Variants in MYH7B observed in about 807,000 individuals in gnomAD.
The protein encoded by MYH7B is myosin-7B.
In MYH7B, 205 loss-of-function variants were observed where a neutral mutation model predicts 234.5. The observed-to-expected ratio is 0.87, with a 90% confidence interval of 0.78 to 0.98. MYH7B has a LOEUF of 0.98. MYH7B is among the 50% of genes least tolerant of loss of function. The pLI is 0.00. For synonymous variants in MYH7B, 1,193 were observed against 1,105.0 expected (o/e 1.08, Z -1.58); for missense variants, 2,652 against 2,633.4 (o/e 1.01, Z -0.15).
At chr20:34,981,051 T>G in exon 9 of MYH7B, 1 of 1,613,988 alleles carries the variant, frequency 6.2e-7, no homozygotes, top group Non-Finnish European at 8.5e-7. Flanking sequence ...AACCAGTCCA[T>G]GCTGATCACG....
Position 34,988,251 on chromosome 20 carries a change from CTCA to C in MYH7B, c.1579_1581del (p.Ile527del), listed in dbSNP as rs771119776. On this transcript the variant is annotated inframe_deletion, in exon 19 of 45. Coordinates refer to ENST00000262873, the Ensembl canonical transcript of MYH7B. ...CCTTGACCTGCAGCCTTGCATCGAC[CTCA>C]TCGAGAAGGTGGGTGCCGCGGCAAG... 152 of 1,612,534 alleles carry C rather than the reference CTCA, an allele frequency of 9.4e-5. No homozygotes were observed. The highest frequency in any genetic ancestry group is 1.2e-4 in the Non-Finnish European group (141 of 1,178,952).
chr20:34,983,288 CTTTTCTTTTCTTTT>C (rs1159975419), intron 10 of MYH7B, among the ~76,000 whole-genome samples: 2 of 64,098 alleles, frequency 3.1e-5, no homozygotes, highest in Admixed American at 1.9e-4. Context: ...TCTTTCTTTT[CTTTTCTTTTCTTTT>C]TTTTTTTTTT....
In MYH7B at chr20:34,979,654, C is replaced by CTGGTAGGTGCTGA; in HGVS notation, c.199-2_209dup. ...TCCCCCGGCCCCTGACACGATCTCC[C>CTGGTAGGTGCTGA]TGGTAGGTGCTGATGGTGCGTGAAG... On this transcript the variant is annotated splice_region_variant and splice_polypyrimidine_tract_variant and intron_variant, in intron 6 of 44. Coordinates refer to ENST00000262873, the Ensembl canonical transcript of MYH7B. The CTGGTAGGTGCTGA allele has an allele frequency of 1.2e-6, 2 of 1,614,132 alleles. No homozygotes were observed. Among genetic ancestry groups the CTGGTAGGTGCTGA allele is most frequent in the Non-Finnish European group, 1.7e-6 (2 of 1,180,022 alleles).
rs57589264 is a variant in MYH7B at position 34,983,298 on chromosome 20, CTTTTTTT to C, written c.624+756_624+762del. ...TTTTTTCTTTCTTTTCTTTTCTTTT[CTTTTTTT>C]TTTTTTTTTTTTGCCTTTTCCTTTT... On this transcript the variant is annotated intron_variant, in intron 10 of 44. Transcript: ENST00000262873. Among the ~76,000 whole-genome samples, 37 of 71,650 alleles carry C rather than the reference CTTTTTTT, an allele frequency of 5.2e-4. 1 individual carries two copies. In the South Asian group the frequency reaches 5.7e-3, roughly 11 times the overall value. The allele number at this position is 71,650 out of a possible 152,430, so 47.0% of individuals were successfully genotyped here.
intron 27 of MYH7B, 74 bp from the exon 28 acceptor site, chr20:34,995,262 G>T (rs1254341737): frequency 4.7e-6 from 7 of 1,494,238 alleles, no homozygotes; most frequent in Admixed American, 1.8e-5. Context: ...TTCCTCTCCA[G>T]GGCCTGGCCT....
At chr20:34,972,322 T>C (rs1285149936) in intron 2 of MYH7B, among the ~76,000 whole-genome samples, 1 of 152,008 alleles carries the variant, frequency 6.6e-6, no homozygotes, top group South Asian at 2.1e-4. Context: ...TCATGGCTAT[T>C]GTATTTGCTG....
At chr20:34,991,118 A>T in exon 24 of MYH7B, 1 of 1,604,196 alleles carries the variant, frequency 6.2e-7, no homozygotes, top group Non-Finnish European at 8.5e-7. Context: ...GACTTCCGGC[A>T]GCGGTGGGTG....
At chr20:34,973,622 C>A (rs1037478195) in intron 2 of MYH7B, among the ~76,000 whole-genome samples, 2 of 152,238 alleles carry the variant, frequency 1.3e-5, no homozygotes, top group Non-Finnish European at 2.9e-5. Context: ...TCTCCCGCTG[C>A]TGATGGGCTG....
chr20:34,980,873 T>G, intron 8 of MYH7B, 139 bp downstream of exon 8: 1 of 1,483,752 alleles, frequency 6.7e-7, no homozygotes. Context: ...GTTCTGTCCC[T>G]CCGCATGGGA....
rs529070557 is a variant in MYH7B, at chr20:34,990,643, A to G, written c.1978-95A>G. ...GAAAGAGCAAAAGTGCAGGGCACTT[A>G]GGGCCCTGCTCCCGTCTCGGTCCTG... On this transcript the variant is annotated intron_variant, in intron 22 of 44. Coordinates refer to ENST00000262873, the Ensembl canonical transcript of MYH7B. 53 of 1,133,852 alleles carry G rather than the reference A, an allele frequency of 4.7e-5. No homozygotes were observed. The East Asian group carries it at 1.2e-3, about 25-fold the overall frequency. 70.2% of individuals were successfully genotyped at this position (1,133,852 alleles called of 1,614,324 possible).
intron 8 of MYH7B, 28 bp downstream of exon 8, chr20:34,980,762 C>T: frequency 6.2e-7 from 1 of 1,605,066 alleles, no homozygotes; most frequent in Non-Finnish European, 8.5e-7. Flanking sequence ...TCCTCCCCAA[C>T]CGCAGACCCC....
At chr20:34,980,926 C>A in intron 8 of MYH7B, 107 bp from the exon 9 acceptor site, 2 of 1,544,986 alleles carry the variant, frequency 1.3e-6, no homozygotes, top group Admixed American at 3.4e-5. Context: ...CCTTCCCATT[C>A]CTGGCTCTGG....
At chr20:34,979,367 C>A in intron 5 of MYH7B, 23 bp from the exon 6 acceptor site, 1 of 1,589,814 alleles carries the variant, frequency 6.3e-7, no homozygotes. Flanking sequence ...CTCTCTGAGT[C>A]CAGAGCTCTC....
At chr20:34,993,512 CCT>C (rs1344585786) in intron 26 of MYH7B, 42 bp downstream of exon 26, 1 of 1,500,434 alleles carries the variant, frequency 6.7e-7, no homozygotes, top group East Asian at 2.4e-5. Flanking sequence ...GTGTCCCCTG[CCT>C]CTCAGCTCCC....
rs1474120949 is a variant in MYH7B at position 34,987,561 on chromosome 20, T to C, written c.1152T>C (p.Ala384=). The change falls in exon 17 of 45, where the codon GCT becomes GCC. Residue 384 remains alanine (A), a synonymous_variant. Transcript: ENST00000262873. Reference sequence around the variant, plus strand: ...ACCCCACTCGTGCCCTGCCAGGTGCTGACAAGGCTGCCTACCTGATGGGGG... The same window carrying C: ...ACCCCACTCGTGCCCTGCCAGGTGCCGACAAGGCTGCCTACCTGATGGGGG... 2 of 1,612,088 alleles carry C rather than the reference T, an allele frequency of 1.2e-6. No individual in the cohort carries two copies. Among genetic ancestry groups the C allele is most frequent in the Admixed American group, 1.7e-5 (1 of 59,884 alleles).
exon 36 of MYH7B, chr20:34,999,065 G>T: frequency 6.2e-7 from 1 of 1,609,114 alleles, no homozygotes. Flanking sequence ...GAAAAAAGCT[G>T]GCACTGCGGC....
intron 18 of MYH7B, 62 bp downstream of exon 18, chr20:34,987,976 G>C (rs548461941): frequency 1.6e-5 from 25 of 1,556,860 alleles, no homozygotes; most frequent in East Asian, 2.3e-5. Context: ...GGGCCTGTGG[G>C]GGGGCAGAAG....
At chr20:34,986,322 TCTTC>T in intron 14 of MYH7B, 124 bp downstream of exon 14, 2 of 729,164 alleles carry the variant, frequency 2.7e-6, no homozygotes, top group Non-Finnish European at 4.6e-6. Flanking sequence ...CTGTGGCCTC[TCTTC>T]CTTCTTGGGA....
At chr20:35,002,298 TC>T in exon 45 of MYH7B, 1 of 1,269,776 alleles carries the variant, frequency 7.9e-7, no homozygotes, top group Non-Finnish European at 1.1e-6. Context: ...CCTTCAGCCT[TC>T]CCTGGGCCCT....
Sources: allele counts gnomAD v4.1 joint callset (sites outside exome capture counted in the v4.1 genomes callset), GRCh38; gene constraint gnomAD v4.1.1; transcripts MANE v1.5; gene names NCBI Gene and HGNC (gene_info 2026-07-23, HGNC 2026-07-21).